Variants in ENO4 observed in about 807,000 individuals in gnomAD.
The protein encoded by ENO4 is 2-phospho-D-glycerate hydro-lyase.
A neutral mutation model predicts 63.2 loss-of-function variants in ENO4; 53 were observed. The ratio of observed to expected loss-of-function variants is 0.84; its 90% CI spans 0.67 to 1.05. The LOEUF is 1.05. Ranked by LOEUF, ENO4 falls within the 50% of genes least tolerant of loss-of-function variation. The pLI, the probability that ENO4 is intolerant of heterozygous loss-of-function variation, is 0.00. For missense variants in ENO4, 719 were observed against 772.0 expected (o/e 0.93, Z 0.81); for synonymous variants, 266 against 283.8 (o/e 0.94, Z 0.63).
chr10:116,902,940 C>T (rs943965892), intron 10 of ENO4, among the ~76,000 whole-genome samples: 9 of 152,142 alleles, frequency 5.9e-5, no homozygotes, highest in Admixed American at 5.9e-4. Flanking sequence ...TGGTATTAAG[C>T]TCTGGAATGC....
chr10:116,856,447 T>A (rs1233026102), intron 2 of ENO4, 45 bp from the exon 3 acceptor site: 1 of 1,461,146 alleles, frequency 6.8e-7, no homozygotes, highest in East Asian at 2.5e-5. Context: ...TTCCTCTTTC[T>A]GGGAGAGGTA....
At chr10:116,875,077 C>A (rs867482918) in intron 10 of ENO4, among the ~76,000 whole-genome samples, 30 of 152,296 alleles carry the variant, frequency 2.0e-4, no homozygotes, top group Middle Eastern at 3.4e-3. Context: ...CCCCAACCAA[C>A]TTACACTCCA....
intron 8 of ENO4, 93 bp from the exon 9 acceptor site, chr10:116,871,032 G>A: frequency 9.1e-7 from 1 of 1,100,556 alleles, no homozygotes; most frequent in Non-Finnish European, 1.3e-6. Context: ...TCTTTGCAGA[G>A]CTATATCTGA....
intron 10 of ENO4, among the ~76,000 whole-genome samples, chr10:116,896,006 G>A (rs901443337): frequency 2.6e-5 from 4 of 152,054 alleles, no homozygotes; most frequent in Non-Finnish European, 5.9e-5. Flanking sequence ...TTCCATTACC[G>A]ATAGCCTCCA....
At chr10:116,900,120 T>C (rs1189633516) in intron 10 of ENO4, among the ~76,000 whole-genome samples, 1 of 152,250 alleles carries the variant, frequency 6.6e-6, no homozygotes, top group African/African-American at 2.4e-5. Context: ...AAAGGTGCTC[T>C]TATTTGGTAA....
downstream of ENO4, chr10:116,884,143 A>T (rs543089826): frequency 1.4e-5 from 6 of 438,100 alleles, no homozygotes; most frequent in Non-Finnish European, 2.8e-5. Flanking sequence ...CCAACTTAAA[A>T]TTGTGTAAGC....
intron 10 of ENO4, among the ~76,000 whole-genome samples, chr10:116,874,697 G>C (rs1186541006): frequency 2.6e-5 from 4 of 152,128 alleles, no homozygotes; most frequent in Non-Finnish European, 5.9e-5. Flanking sequence ...ATTTGAGACA[G>C]GGTCTCACTC....
At chr10:116,905,488 AT>A (rs1847934487) in intron 10 of ENO4, among the ~76,000 whole-genome samples, 1 of 152,088 alleles carries the variant, frequency 6.6e-6, no homozygotes, top group Admixed American at 6.5e-5. Flanking sequence ...TGAATGGCTG[AT>A]TTTTGTTTTT....
chr10:116,859,614 C>G lies in ENO4; in HGVS notation c.634+476C>G, dbSNP rs182998689. 5.3e-5 allele frequency among the ~76,000 whole-genome samples: 8 copies of G among 152,308 alleles called. No homozygotes were observed. In the East Asian group the frequency reaches 1.5e-3, roughly 29 times the overall value. ...ATTATCACTTCAATTTGCCCTTGCT[C>G]CATGCCTTCCAACAGATTGCTAACC... On this transcript the variant is annotated intron_variant, in intron 4 of 13. Coordinates refer to ENST00000341276, the MANE Select transcript of ENO4 (RefSeq NM_001242699.2).
At chr10:116,880,244 T>C (rs536883838) in intron 13 of ENO4, among the ~76,000 whole-genome samples, 2 of 152,340 alleles carry the variant, frequency 1.3e-5, no homozygotes, top group East Asian at 1.9e-4. Flanking sequence ...AATTAATTGA[T>C]TGGAATTTCC....
At chr10:116,898,545 G>T (rs908237035) in intron 10 of ENO4, among the ~76,000 whole-genome samples, 2 of 152,038 alleles carry the variant, frequency 1.3e-5, no homozygotes, top group African/African-American at 4.8e-5. Flanking sequence ...GCATAATTCT[G>T]ATCTAAATTA....
chr10:116,866,490 T>C (rs1402730333), intron 7 of ENO4, among the ~76,000 whole-genome samples: 2 of 152,212 alleles, frequency 1.3e-5, no homozygotes, highest in African/African-American at 4.8e-5. Flanking sequence ...CTCTTACATA[T>C]CCTGTCAATG....
At chr10:116,907,352 G>C (rs1459670020) in intron 10 of ENO4, among the ~76,000 whole-genome samples, 1 of 152,166 alleles carries the variant, frequency 6.6e-6, no homozygotes, top group African/African-American at 2.4e-5. Context: ...GCAAGCAAGG[G>C]TCGGCATCTT....
Position 116,879,083 on chromosome 10 carries a change from G to A in ENO4, c.1538-208G>A, listed in dbSNP as rs1015054754. 2.0e-5 allele frequency among the ~76,000 whole-genome samples: 3 copies of A among 152,112 alleles called. No individual in the cohort carries two copies. In the East Asian group the frequency reaches 5.8e-4, roughly 29 times the overall value. On this transcript the variant is annotated intron_variant, in intron 11 of 13. Coordinates refer to ENST00000341276, the MANE Select transcript of ENO4 (RefSeq NM_001242699.2). ...TTTAATGAAACACAGTATTCATTTA[G>A]TATTTACAGCATCTAAGCTACTGAA...
rs1240571980 is a variant in ENO4 at position 116,868,665 on chromosome 10, G to T, written c.1006G>T (p.Ala336Ser). 1.9e-6 allele frequency: 3 copies of T among 1,550,338 alleles called. No individual in the cohort carries two copies. Among genetic ancestry groups the T allele is most frequent in the Middle Eastern group, 1.7e-4 (1 of 6,014 alleles). The change falls in exon 8 of 14, where the codon GCA becomes TCA. Residue 336 changes from alanine to serine, a missense_variant. This residue lies in a region of ENO4 where 544 missense variants were observed against 583.6 expected (regional missense o/e 0.93). Coordinates refer to ENST00000341276, the MANE Select transcript of ENO4 (RefSeq NM_001242699.2). The stretch of plus-strand genomic sequence containing the variant: ...TGCCCCACAGCCCTCTCCTCCAAAA[G>T]CAGAGACAAAAAAAGGGCACGATGG... Reference protein sequence around the residue: ...KIIEMPSPPKAETKKGHDGSK... With the variant: ...KIIEMPSPPKSETKKGHDGSK...
In ENO4 at chr10:116,855,656, A is replaced by T; in HGVS notation, c.199A>T (p.Thr67Ser). The change falls in exon 2 of 14, where the codon ACC (threonine) becomes TCC (serine). Residue 67 changes from threonine to serine, a missense_variant. By Grantham distance (58) the Thr-to-Ser change is moderately conservative (BLOSUM62 1). Coordinates refer to ENST00000341276, the MANE Select transcript of ENO4 (RefSeq NM_001242699.2). ...NCFSKLAKPP[T>S]ICKIVGKDVL... ...CTTTTCTAAACTTGCAAAGCCTCCC[A>T]CCATATGCAAAATAGTGGGGAAAGA... 4 of 1,536,288 alleles carry T rather than the reference A, an allele frequency of 2.6e-6. No individual in the cohort carries two copies. Among genetic ancestry groups the T allele is most frequent in the Non-Finnish European group, 3.5e-6 (4 of 1,146,938 alleles).
intron 13 of ENO4, among the ~76,000 whole-genome samples, chr10:116,880,863 G>A (rs1846986299): frequency 6.6e-6 from 1 of 152,094 alleles, no homozygotes; most frequent in Non-Finnish European, 1.5e-5. Flanking sequence ...CCAGCCAGAC[G>A]TTACCACGAG....
chr10:116,898,576 C>T (rs796370042), intron 10 of ENO4, among the ~76,000 whole-genome samples: 24 of 152,188 alleles, frequency 1.6e-4, no homozygotes, highest in African/African-American at 5.1e-4. Context: ...GAATTCATAA[C>T]GTTCACATTC....
intron 7 of ENO4, among the ~76,000 whole-genome samples, chr10:116,863,131 C>A (rs370364312): frequency 6.6e-6 from 1 of 152,188 alleles, no homozygotes; most frequent in African/African-American, 2.4e-5. Context: ...GTGGCCCCCA[C>A]GATATGAGAG....
Sources: allele counts gnomAD v4.1 joint callset (sites outside exome capture counted in the v4.1 genomes callset), GRCh38; gene constraint gnomAD v4.1.1; regional missense constraint gnomAD v4.1.1; transcripts MANE v1.5; gene names NCBI Gene and HGNC (gene_info 2026-07-23, HGNC 2026-07-21).